Variants in PPP1R1C observed in about 807,000 individuals in gnomAD.
PPP1R1C encodes protein phosphatase 1 regulatory subunit 1C.
In PPP1R1C, 15 loss-of-function variants were observed where a neutral mutation model predicts 17.4. The observed-to-expected ratio is 0.86, with a 90% CI of 0.58 to 1.33. The LOEUF is 1.33. Among genes scored for constraint, PPP1R1C ranks in the 40% most tolerant of loss-of-function variants. The pLI is 0.00. For missense variants in PPP1R1C, 143 were observed against 130.0 expected (o/e 1.10, Z -0.48); for synonymous variants, 35 against 43.1 (o/e 0.81, Z 0.73).
At chr2:181,975,592 A>G (rs1685081028) in intron 2 of PPP1R1C, among the ~76,000 whole-genome samples, 1 of 151,982 alleles carries the variant, frequency 6.6e-6, no homozygotes, top group Non-Finnish European at 1.5e-5. Context: ...ATAAAATAAT[A>G]GCTATTTAAC....
intron 4 of PPP1R1C, among the ~76,000 whole-genome samples, chr2:182,066,968 T>TTTGTGTGTGTGTG (rs1559079296): frequency 1.4e-5 from 2 of 144,724 alleles, no homozygotes; most frequent in African/African-American, 2.5e-5. Flanking sequence ...GTGTGTGTGT[T>TTTGTGTGTGTGTG]TGTGTGTGTG....
At chr2:181,990,909 G>A (rs11685642) in intron 2 of PPP1R1C, among the ~76,000 whole-genome samples, 38,225 of 152,064 alleles carry the variant, frequency 0.25, 5,015 homozygotes, top group South Asian at 0.3. Flanking sequence ...ACTGAAATTG[G>A]CCAGGGAATA....
At chr2:182,024,672 C>T (rs553855505) in intron 2 of PPP1R1C, among the ~76,000 whole-genome samples, 7 of 151,858 alleles carry the variant, frequency 4.6e-5, no homozygotes, top group South Asian at 2.1e-4. Context: ...GCCTGCAACA[C>T]GGTGAAACCT....
At chr2:181,983,187 G>C (rs958108731), upstream of PPP1R1C, among the ~76,000 whole-genome samples, 1 of 152,132 alleles carries the variant, frequency 6.6e-6, no homozygotes, top group Non-Finnish European at 1.5e-5. Context: ...CTTCTCTACT[G>C]GCCTTATATT....
chr2:182,025,250 C>T (rs1686566580), intron 2 of PPP1R1C, among the ~76,000 whole-genome samples: 1 of 145,650 alleles, frequency 6.9e-6, no homozygotes, highest in African/African-American at 2.5e-5. Flanking sequence ...GGTACATGTG[C>T]ACATTGTGCA....
chr2:182,120,451 G>A (rs530922245), downstream of PPP1R1C, among the ~76,000 whole-genome samples: 5 of 152,072 alleles, frequency 3.3e-5, no homozygotes, highest in African/African-American at 1.2e-4. Context: ...TCAAATAGAT[G>A]CAATAAAAAA....
At chr2:182,031,027 C>T (rs1199010638) in intron 2 of PPP1R1C, 1 of 153,784 alleles carries the variant, frequency 6.5e-6, no homozygotes, top group Non-Finnish European at 1.4e-5. Flanking sequence ...ACTCCCTGAC[C>T]CCTTGCGCTT....
At chr2:182,052,844 A>G (rs1341506837) in intron 2 of PPP1R1C, among the ~76,000 whole-genome samples, 1 of 152,226 alleles carries the variant, frequency 6.6e-6, no homozygotes, top group Non-Finnish European at 1.5e-5. Flanking sequence ...TTATTGACAG[A>G]TGACTAAAAT....
At chr2:182,057,628 A>AT (rs1188934753) in intron 2 of PPP1R1C, among the ~76,000 whole-genome samples, 1 of 152,170 alleles carries the variant, frequency 6.6e-6, no homozygotes, top group East Asian at 1.9e-4. Flanking sequence ...TTAACTCCCC[A>AT]TTTTTTCCTC....
chr2:182,025,261 GGTTA>G (rs1298707956), intron 2 of PPP1R1C, among the ~76,000 whole-genome samples: 2 of 145,044 alleles, frequency 1.4e-5, no homozygotes, highest in African/African-American at 5.0e-5. Context: ...ACATTGTGCA[GGTTA>G]GTTACATATG....
At position 182,008,075 on chromosome 2, in the gene PPP1R1C, AC is replaced by A. The variant is rs1685979347; in HGVS notation, c.142+20177del. On this transcript the variant is annotated intron_variant, in intron 2 of 4. Transcript: ENST00000682840. ...AGAGCGAGACTCCGTCTCAAAAAAA[AC>A]AAACAAATAAATAAAAAAATAAAAT... Among the ~76,000 whole-genome samples, 5 of 49,088 alleles carry A rather than the reference AC, an allele frequency of 1.0e-4. No individual in the cohort carries two copies. The South Asian group carries it at 2.0e-3, about 20-fold the overall frequency. 32.2% of individuals were successfully genotyped at this position (49,088 alleles called of 152,430 possible). A position where few individuals can be genotyped will look rare whatever the true frequency, so the allele number is the denominator to read the frequency against.
intron 2 of PPP1R1C, among the ~76,000 whole-genome samples, chr2:182,036,159 GC>G (rs1193613994): frequency 6.6e-6 from 1 of 152,118 alleles, no homozygotes; most frequent in African/African-American, 2.4e-5. Flanking sequence ...AACACAAAAA[GC>G]CCTTTTCCTT....
chr2:182,097,571 T>A (rs1688979181), intron 4 of PPP1R1C, among the ~76,000 whole-genome samples: 1 of 152,218 alleles, frequency 6.6e-6, no homozygotes, highest in Admixed American at 6.5e-5. Context: ...CCCTTTAGTC[T>A]TTCCATGAAA....
chr2:182,071,079 T>A (rs542212905), intron 4 of PPP1R1C, among the ~76,000 whole-genome samples: 1 of 152,260 alleles, frequency 6.6e-6, no homozygotes, highest in South Asian at 2.1e-4. Context: ...GAGATTTGGA[T>A]GGGGACACAG....
At chr2:182,124,339 G>GTTTTTTTTTTTTTTTT (rs1378403544) in intron 5 of PPP1R1C, among the ~76,000 whole-genome samples, 1 of 52,166 alleles carries the variant, frequency 1.9e-5, no homozygotes, top group African/African-American at 6.5e-5. Flanking sequence ...TTTTTTTTTT[G>GTTTTTTTTTTTTTTTT]TTTTTTTTTT....
intron 4 of PPP1R1C, among the ~76,000 whole-genome samples, chr2:182,084,618 C>A (rs1056544464): frequency 2.0e-5 from 3 of 152,070 alleles, no homozygotes; most frequent in Non-Finnish European, 2.9e-5. Flanking sequence ...TTTTATTGGT[C>A]TATGCATCTA....
At chr2:182,081,269 G>A (rs1198192038) in intron 4 of PPP1R1C, among the ~76,000 whole-genome samples, 1 of 152,100 alleles carries the variant, frequency 6.6e-6, no homozygotes, top group Non-Finnish European at 1.5e-5. Context: ...GGGGTTAAAG[G>A]GAACGAGAAA....
intron 2 of PPP1R1C, among the ~76,000 whole-genome samples, chr2:182,000,706 A>T (rs1481190669): frequency 6.6e-6 from 1 of 152,212 alleles, no homozygotes; most frequent in Non-Finnish European, 1.5e-5. Context: ...GAAGTAAGCC[A>T]TTAAAGGTGA....
chr2:181,958,971 G>T (rs1194305583), intron 1 of PPP1R1C, among the ~76,000 whole-genome samples: 1 of 152,220 alleles, frequency 6.6e-6, no homozygotes, highest in Non-Finnish European at 1.5e-5. Flanking sequence ...TTGCATTTCT[G>T]CAAGAAATGT....
Sources: allele counts gnomAD v4.1 joint callset (sites outside exome capture counted in the v4.1 genomes callset), GRCh38; gene constraint gnomAD v4.1.1; transcripts MANE v1.5; gene names NCBI Gene and HGNC (gene_info 2026-07-23, HGNC 2026-07-21).